Variants in ALK observed in about 807,000 individuals in gnomAD.
ALK encodes the protein ALK tyrosine kinase receptor.
Under a neutral mutation model 163.1 loss-of-function variants are expected in ALK, and 74 were observed. The ratio of observed to expected loss-of-function variants is 0.45; its 90% confidence interval spans 0.38 to 0.55. The LOEUF (loss-of-function observed/expected upper bound fraction) is 0.55. Among genes scored for constraint, ALK ranks in the 20% least tolerant of loss-of-function variants. ALK has a pLI of 0.00. For missense variants in ALK, 2,063 were observed against 2,105.3 expected (o/e 0.98, Z 0.39); for synonymous variants, 960 against 843.2 (o/e 1.14, Z -2.40).
intron 1 of ALK, among the ~76,000 whole-genome samples, chr2:29,773,418 C>G (rs1681082321): frequency 6.6e-6 from 1 of 152,158 alleles, no homozygotes; most frequent in African/African-American, 2.4e-5. Flanking sequence ...CCTCTCTCTT[C>G]CCCTCTTTAC....
At chr2:29,342,012 G>A (rs1002879325) in intron 5 of ALK, among the ~76,000 whole-genome samples, 1 of 152,082 alleles carries the variant, frequency 6.6e-6, no homozygotes, top group Non-Finnish European at 1.5e-5. Context: ...TAACAACAAC[G>A]AAAATAATAT....
chr2:29,200,731 A>ACATATATACG, intron 26 of ALK, among the ~76,000 whole-genome samples: 1 of 144,182 alleles, frequency 6.9e-6, no homozygotes, highest in African/African-American at 2.5e-5. Flanking sequence ...GTATATATGT[A>ACATATATACG]TATATATACG....
intron 25 of ALK, among the ~76,000 whole-genome samples, chr2:29,208,382 A>T (rs919374623): frequency 6.6e-6 from 1 of 152,176 alleles, no homozygotes; most frequent in Non-Finnish European, 1.5e-5. Flanking sequence ...GTCAGAGCTG[A>T]GCCTGGGAAG....
intron 4 of ALK, among the ~76,000 whole-genome samples, chr2:29,427,898 A>G (rs1208711459): frequency 6.6e-6 from 1 of 152,122 alleles, no homozygotes; most frequent in Non-Finnish European, 1.5e-5. Context: ...GGCTCAATAC[A>G]TTTAAAAGAA....
intron 24 of ALK, among the ~76,000 whole-genome samples, chr2:29,210,746 G>C (rs563644114): frequency 1.4e-3 from 206 of 152,246 alleles, no homozygotes; most frequent in African/African-American, 4.9e-3. Context: ...TTTTGTCCAT[G>C]ATTTTATCTA....
At chr2:29,435,417 C>T (rs1670373524) in intron 4 of ALK, among the ~76,000 whole-genome samples, 1 of 151,870 alleles carries the variant, frequency 6.6e-6, no homozygotes, top group African/African-American at 2.4e-5. Flanking sequence ...CCAGATGCCA[C>T]CAACAAGAGG....
chr2:29,642,111 G>A (rs1344470796), intron 3 of ALK, among the ~76,000 whole-genome samples: 2 of 152,118 alleles, frequency 1.3e-5, no homozygotes, highest in Non-Finnish European at 2.9e-5. Context: ...GTCCACCTGG[G>A]AGCTTGTCAG....
At chr2:29,755,938 C>G (rs992847220) in intron 1 of ALK, among the ~76,000 whole-genome samples, 1 of 152,192 alleles carries the variant, frequency 6.6e-6, no homozygotes, top group African/African-American at 2.4e-5. Context: ...ATAACAAACC[C>G]AAGTTTTAAT....
intron 4 of ALK, among the ~76,000 whole-genome samples, chr2:29,498,802 G>T (rs1006750832): frequency 2.0e-5 from 3 of 152,198 alleles, no homozygotes; most frequent in African/African-American, 4.8e-5. Flanking sequence ...TTTTCCTAAT[G>T]AGTGTCTATT....
intron 26 of ALK, among the ~76,000 whole-genome samples, chr2:29,199,009 A>C (rs1669093702): frequency 6.6e-6 from 1 of 150,858 alleles, no homozygotes; most frequent in Non-Finnish European, 1.5e-5. Flanking sequence ...GCTGGAGTGC[A>C]GTGGTGCCAT....
intron 1 of ALK, among the ~76,000 whole-genome samples, chr2:29,904,878 G>C (rs376297680): frequency 3.9e-5 from 6 of 152,178 alleles, no homozygotes; most frequent in African/African-American, 1.4e-4. Context: ...TTGAGTGTGA[G>C]GTTGAGTAGA....
intron 1 of ALK, among the ~76,000 whole-genome samples, chr2:29,787,761 GGAA>G (rs1664076116): frequency 6.6e-6 from 1 of 152,164 alleles, no homozygotes; most frequent in African/African-American, 2.4e-5. Flanking sequence ...GGTCCTCCAA[GGAA>G]GAAGAAGAAA....
chr2:29,390,002 T>C (rs1474618503), intron 4 of ALK, among the ~76,000 whole-genome samples: 1 of 152,210 alleles, frequency 6.6e-6, no homozygotes, highest in East Asian at 1.9e-4. Context: ...GAATACTACC[T>C]ACAGCAGCAT....
At chr2:29,773,998 T>C (rs1681102044) in intron 1 of ALK, among the ~76,000 whole-genome samples, 1 of 152,202 alleles carries the variant, frequency 6.6e-6, no homozygotes, top group Non-Finnish European at 1.5e-5. Flanking sequence ...TTCTAAAAGA[T>C]ATAAATAAGA....
intron 5 of ALK, among the ~76,000 whole-genome samples, chr2:29,381,789 A>G (rs527969976): frequency 6.6e-6 from 1 of 152,350 alleles, no homozygotes; most frequent in African/African-American, 2.4e-5. Context: ...GACATTGAGT[A>G]TGCCTTTAAA....
intron 3 of ALK, among the ~76,000 whole-genome samples, chr2:29,585,348 C>T (rs1674851203): frequency 9.6e-6 from 1 of 104,200 alleles, no homozygotes. Context: ...TTTTTTGAGA[C>T]AGAGTCTTGC....
chr2:29,324,351 A>T (rs964180536), intron 6 of ALK, among the ~76,000 whole-genome samples: 2 of 152,246 alleles, frequency 1.3e-5, no homozygotes, highest in African/African-American at 4.8e-5. Context: ...TATGTGCTAT[A>T]CATTTTCTTG....
chr2:29,417,007 A>G (rs1385586770), intron 4 of ALK, among the ~76,000 whole-genome samples: 1 of 38,222 alleles, frequency 2.6e-5, no homozygotes, highest in African/African-American at 1.2e-4. Flanking sequence ...TTTTTTTTTG[A>G]GATGGAGTCT....
intron 5 of ALK, among the ~76,000 whole-genome samples, chr2:29,338,983 C>T (rs1336530009): frequency 7.2e-5 from 11 of 152,198 alleles, no homozygotes; most frequent in African/African-American, 2.7e-4. Flanking sequence ...TGTCTCACAC[C>T]TGTAATCCCA....
Sources: allele counts gnomAD v4.1 joint callset (sites outside exome capture counted in the v4.1 genomes callset), GRCh38; gene constraint gnomAD v4.1.1; transcripts MANE v1.5; gene names NCBI Gene and HGNC (gene_info 2026-07-23, HGNC 2026-07-21).